The following REEP1 variants were observed in gnomAD, a reference collection of about 807,000 sequenced individuals.
REEP1 encodes receptor expression-enhancing protein 1.
In REEP1, 22 loss-of-function variants were observed where a neutral mutation model predicts 40.3. The observed-to-expected ratio is 0.55, with a 90% CI of 0.39 to 0.78. The LOEUF (loss-of-function observed/expected upper bound fraction) is 0.78. REEP1 is among the 30% of genes least tolerant of loss of function. REEP1 has a pLI of 0.00. For synonymous variants in REEP1, 116 were observed against 139.2 expected (o/e 0.83, Z 1.17); for missense variants, 280 against 361.1 (o/e 0.78, Z 1.82).
At chr2:86,283,277 A>G (rs1678197493) in intron 1 of REEP1, among the ~76,000 whole-genome samples, 2 of 152,216 alleles carry the variant, frequency 1.3e-5, no homozygotes. Context: ...GGCCCTCAAC[A>G]GGTATTTTTA....
In REEP1 at chr2:86,214,389, G is replaced by GA. The variant is rs1164496927; in HGVS notation, c.*2649dup. Reference sequence around the variant, plus strand: ...GAGCAAGCTATTCACACAAAGCCAGGAGGGATTATGACTAAACTCTCCAGT... The same window carrying GA: ...GAGCAAGCTATTCACACAAAGCCAGGAAGGGATTATGACTAAACTCTCCAGT... On this transcript the variant is annotated 3_prime_UTR_variant, in exon 9 of 9. Coordinates refer to ENST00000538924, the MANE Select transcript of REEP1 (RefSeq NM_001371279.1). 1 of 152,660 alleles carries GA rather than the reference G, an allele frequency of 6.6e-6. No homozygotes were observed. The highest frequency in any genetic ancestry group is 2.4e-5 in the African/African-American group (1 of 41,456). The allele number at this position is 152,660 out of a possible 1,614,324, so 9.5% of individuals were successfully genotyped here. A position where few individuals can be genotyped will look rare whatever the true frequency, so the allele number is the denominator to read the frequency against.
At chr2:86,264,189 G>C in intron 2 of REEP1, 148 bp from the exon 3 acceptor site, 1 of 708,870 alleles carries the variant, frequency 1.4e-6, no homozygotes, top group South Asian at 1.5e-5. Flanking sequence ...TCCTTCCCCA[G>C]CTTATGTCCA....
intron 1 of REEP1, among the ~76,000 whole-genome samples, chr2:86,322,231 G>A (rs1680299204): frequency 2.0e-5 from 3 of 152,272 alleles, no homozygotes; most frequent in Admixed American, 6.5e-5. Flanking sequence ...TATACATGGA[G>A]TGCAACAAAC....
chr2:86,278,149 CTT>C lies in REEP1; in HGVS notation c.105+4019_105+4020del, dbSNP rs1474764926. The stretch of plus-strand genomic sequence containing the variant: ...GAGTCATGATTCCACCCTCTAAAAA[CTT>C]TTTTCTTTTAACAAAAGACACAAAT... On this transcript the variant is annotated intron_variant, in intron 2 of 8. Coordinates refer to ENST00000538924, the MANE Select transcript of REEP1 (RefSeq NM_001371279.1). 5.3e-5 allele frequency among the ~76,000 whole-genome samples: 8 copies of C among 152,258 alleles called. No individual in the cohort carries two copies. The East Asian group carries it at 1.3e-3, about 26-fold the overall frequency.
At chr2:86,326,207 G>T (rs1346707402) in intron 1 of REEP1, among the ~76,000 whole-genome samples, 1 of 152,122 alleles carries the variant, frequency 6.6e-6, no homozygotes, top group Non-Finnish European at 1.5e-5. Context: ...TCTCAAAGAT[G>T]GAATCAGAAC....
intron 1 of REEP1, among the ~76,000 whole-genome samples, chr2:86,332,610 G>C (rs1039159278): frequency 1.3e-5 from 2 of 152,088 alleles, no homozygotes; most frequent in African/African-American, 4.8e-5. Context: ...AAAAGATAGC[G>C]GGCTTCAGAA....
chr2:86,316,548 C>A (rs371876326), intron 1 of REEP1, among the ~76,000 whole-genome samples: 300 of 70,092 alleles, frequency 4.3e-3, no homozygotes, highest in Non-Finnish European at 5.4e-3. Context: ...AACTCTGTCT[C>A]AAAAAAAAAA....
chr2:86,332,102 A>C (rs2104545646), intron 1 of REEP1, among the ~76,000 whole-genome samples: 1 of 152,268 alleles, frequency 6.6e-6, no homozygotes, highest in South Asian at 2.1e-4. Context: ...AAAATCCCAA[A>C]GTGAAAATAA....
chr2:86,224,021 A>G (rs7419344), intron 7 of REEP1, among the ~76,000 whole-genome samples: 124,376 of 152,020 alleles, frequency 0.82, 52,750 homozygotes, highest in East Asian at 0.98. Flanking sequence ...AAGATGGGAA[A>G]AGAATGTTCT....
chr2:86,275,966 G>A (rs980124578), intron 2 of REEP1, among the ~76,000 whole-genome samples: 1 of 152,186 alleles, frequency 6.6e-6, no homozygotes, highest in African/African-American at 2.4e-5. Context: ...TTGGCCCAAC[G>A]CTTATGCTCA....
rs755313349 is a variant in REEP1, at chr2:86,217,085, C to T, written c.809G>A (p.Arg270His). Residue 270 changes from arginine to histidine, a missense_variant, in exon 9 of 9, where the codon CGC becomes CAC. Arg to His is a conservative substitution (Grantham distance 29, BLOSUM62 0). Coordinates refer to ENST00000538924, the MANE Select transcript of REEP1 (RefSeq NM_001371279.1). ...LEAPPRILRS[R>H]FRKKSTSSSA... ...GGATGAGGTACTTTTCTTCCTGAAGCGAGATCGAAGGATTCTAGGCGGTGC... is the reference window on the plus strand; with the variant it reads ...GGATGAGGTACTTTTCTTCCTGAAGTGAGATCGAAGGATTCTAGGCGGTGC... 1.4e-5 allele frequency: 22 copies of T among 1,614,024 alleles called. No homozygotes were observed. The highest frequency in any genetic ancestry group is 4.5e-5 in the East Asian group (2 of 44,878).
At chr2:86,305,013 C>T (rs776921057) in intron 1 of REEP1, among the ~76,000 whole-genome samples, 3 of 151,902 alleles carry the variant, frequency 2.0e-5, no homozygotes, top group Non-Finnish European at 4.4e-5. Context: ...GCTCTATGGG[C>T]AAAGTCAAGT....
chr2:86,282,529 C>G (rs1452555726), intron 1 of REEP1, among the ~76,000 whole-genome samples: 1 of 151,976 alleles, frequency 6.6e-6, no homozygotes, highest in African/African-American at 2.4e-5. Context: ...GTGAAGGCAC[C>G]AAGACCCCTG....
intron 5 of REEP1, among the ~76,000 whole-genome samples, chr2:86,248,641 G>A (rs1221000508): frequency 1.3e-5 from 2 of 151,834 alleles, no homozygotes; most frequent in Non-Finnish European, 2.9e-5. Context: ...GTAGAGACAG[G>A]GTCTCACTAT....
At chr2:86,272,822 G>T (rs1677529549) in intron 2 of REEP1, among the ~76,000 whole-genome samples, 1 of 152,066 alleles carries the variant, frequency 6.6e-6, no homozygotes, top group African/African-American at 2.4e-5. Flanking sequence ...CCAAATTCCA[G>T]CCAAAATGAT....
intron 1 of REEP1, among the ~76,000 whole-genome samples, chr2:86,333,133 A>G (rs1680853086): frequency 6.6e-6 from 1 of 152,230 alleles, no homozygotes; most frequent in Non-Finnish European, 1.5e-5. Context: ...ACCAACTGGA[A>G]CCCTCCATTA....
chr2:86,310,788 G>A (rs1480255435), intron 1 of REEP1, among the ~76,000 whole-genome samples: 1 of 152,014 alleles, frequency 6.6e-6, no homozygotes, highest in Non-Finnish European at 1.5e-5. Context: ...AGGATAAAAG[G>A]AAGCAAAAGA....
Position 86,337,427 on chromosome 2 carries a change from C to T in REEP1, c.32+52G>A. On this transcript the variant is annotated intron_variant, in intron 1 of 8. Transcript: ENST00000538924. This position sits in a 1 kb window ranked among gnomAD's most constrained non-coding sequence, Gnocchi z 5.8. ...CTGTAGGGGCGCGCGCAGCCCGGGG[C>T]CGGGGGCGGGGAGGGAGGGGACGGA... 1 of 1,177,328 alleles carries T rather than the reference C, an allele frequency of 8.5e-7. No individual in the cohort carries two copies. Among genetic ancestry groups the T allele is most frequent in the Non-Finnish European group, 1.1e-6 (1 of 940,314 alleles). 72.9% of individuals were successfully genotyped at this position (1,177,328 alleles called of 1,614,324 possible).
intron 1 of REEP1, among the ~76,000 whole-genome samples, chr2:86,318,758 C>T (rs1680150167): frequency 6.6e-6 from 1 of 152,000 alleles, no homozygotes; most frequent in African/African-American, 2.4e-5. Context: ...GAGCGCCATA[C>T]TTTAGTATTT....
Sources: gnomAD v4.1 joint callset for allele counts (sites outside exome capture counted in the v4.1 genomes callset) on GRCh38, gnomAD v4.1.1 for gene constraint, Gnocchi (gnomAD v3.1) non-coding constraint, MANE v1.5 for transcripts, NCBI Gene and HGNC (gene_info 2026-07-23, HGNC 2026-07-21) for gene names.